Variants in RAPGEF1 observed in about 807,000 individuals in gnomAD.
RAPGEF1 encodes the protein CRK SH3-binding GNRP.
In RAPGEF1, 33 loss-of-function variants were observed where a neutral mutation model predicts 143.3. The observed-to-expected ratio is 0.23, with a 90% CI of 0.17 to 0.31. The LOEUF (loss-of-function observed/expected upper bound fraction) is 0.31. Ranked by LOEUF, RAPGEF1 falls within the 10% of genes least tolerant of loss-of-function variation. The probability of loss-of-function intolerance (pLI) is 1.00; values close to 1 mark genes in which losing one functional copy is unlikely to be tolerated. For missense variants in RAPGEF1, 1,199 were observed against 1,645.4 expected, an observed-to-expected ratio of 0.73 and a Z score of 4.69; for synonymous variants, 629 against 676.5, an observed-to-expected ratio of 0.93 and a Z score of 1.09.
intron 5 of RAPGEF1, among the ~76,000 whole-genome samples, chr9:131,630,661 T>TG (rs1964598223): frequency 1.3e-5 from 2 of 152,124 alleles, no homozygotes; most frequent in African/African-American, 2.4e-5. Flanking sequence ...GTCAGTTTGT[T>TG]GGGGAATAAC....
intron 1 of RAPGEF1, among the ~76,000 whole-genome samples, chr9:131,703,657 C>A (rs1239281877): frequency 6.6e-6 from 1 of 152,140 alleles, no homozygotes; most frequent in Non-Finnish European, 1.5e-5. Flanking sequence ...CTCCAGAGTT[C>A]TAAAGAAATT....
chr9:131,674,541 T>C (rs1831961289), intron 1 of RAPGEF1, among the ~76,000 whole-genome samples: 1 of 152,156 alleles, frequency 6.6e-6, no homozygotes, highest in Non-Finnish European at 1.5e-5. Flanking sequence ...AATCTAGGTC[T>C]CCACACTTGG....
rs368775480 is a variant in RAPGEF1 at position 131,626,086 on chromosome 9, G to A, written c.1538C>T (p.Thr513Ile). ...GTAGGGGACGGATGGGATCGGGGCT[G>A]TGCTCTGCAGGTCCTCCCCAGAGAT... ...DNISGEDLQS[T>I]APIPSVPYAP... The change falls in exon 10 of 27, where the codon ACA (threonine) becomes ATA (isoleucine). Residue 513 changes from threonine to isoleucine, a missense_variant. Physicochemically the swap from Thr to Ile is moderately conservative, Grantham distance 89. Transcript: ENST00000683357. 80 of 1,613,894 alleles carry A rather than the reference G, an allele frequency of 5.0e-5. No individual in the cohort carries two copies. Among genetic ancestry groups the A allele is most frequent in the Admixed American group, 2.0e-4 (12 of 60,002 alleles).
intron 15 of RAPGEF1, 84 bp from the exon 16 acceptor site, chr9:131,598,394 C>T (rs1955659409): frequency 8.7e-6 from 10 of 1,148,018 alleles, no homozygotes; most frequent in South Asian, 5.2e-5. Flanking sequence ...CCGGTGTGCA[C>T]GGCTCGAAAC....
chr9:131,630,535 T>C (rs1331461367), intron 5 of RAPGEF1, among the ~76,000 whole-genome samples: 1 of 152,164 alleles, frequency 6.6e-6, no homozygotes, highest in Non-Finnish European at 1.5e-5. Context: ...CTTCATGGCA[T>C]GTCAAGTTTC....
intron 16 of RAPGEF1, 58 bp downstream of exon 16, chr9:131,598,141 C>T: frequency 7.0e-7 from 1 of 1,437,758 alleles, no homozygotes; most frequent in Non-Finnish European, 9.7e-7. Flanking sequence ...TCTTCTCTGC[C>T]CCACCTGCTC....
chr9:131,626,690 CA>C (rs1179655345), intron 9 of RAPGEF1, among the ~76,000 whole-genome samples: 1 of 152,150 alleles, frequency 6.6e-6, no homozygotes, highest in African/African-American at 2.4e-5. Context: ...GAAACTGTGG[CA>C]AATTACATCA....
intron 1 of RAPGEF1, among the ~76,000 whole-genome samples, chr9:131,722,987 A>C (rs2131290013): frequency 6.6e-6 from 1 of 152,358 alleles, no homozygotes; most frequent in Middle Eastern, 3.4e-3. Flanking sequence ...TGACATCAGG[A>C]GTTTGAGACC....
intron 1 of RAPGEF1, among the ~76,000 whole-genome samples, chr9:131,672,624 G>T (rs1044319937): frequency 6.6e-6 from 1 of 152,206 alleles, no homozygotes; most frequent in African/African-American, 2.4e-5. Flanking sequence ...CCAAAGACGG[G>T]GAGGGGCTGA....
intron 9 of RAPGEF1, 68 bp downstream of exon 9, chr9:131,627,845 C>A: frequency 6.6e-7 from 1 of 1,505,926 alleles, no homozygotes; most frequent in Non-Finnish European, 8.9e-7. Flanking sequence ...GGGACTCCCA[C>A]CCAGGACTGT....
At chr9:131,725,743 T>C (rs542548877) in intron 1 of RAPGEF1, among the ~76,000 whole-genome samples, 1 of 151,428 alleles carries the variant, frequency 6.6e-6, no homozygotes, top group African/African-American at 2.4e-5. Flanking sequence ...CCTTTGCCCA[T>C]TTAAAAATTG....
intron 10 of RAPGEF1, among the ~76,000 whole-genome samples, chr9:131,625,016 G>T (rs1181305547): frequency 6.6e-6 from 1 of 152,214 alleles, no homozygotes; most frequent in African/African-American, 2.4e-5. Context: ...TTGAGAATGG[G>T]GCCCAGCTCT....
chr9:131,737,361 C>A (rs747898723), intron 1 of RAPGEF1: 4 of 1,613,344 alleles, frequency 2.5e-6, no homozygotes, highest in Admixed American at 1.7e-5. Context: ...ACTGTCCCCT[C>A]CAGTGTCTTC....
At chr9:131,657,117 T>C (rs1316329498) in intron 1 of RAPGEF1, among the ~76,000 whole-genome samples, 3 of 152,220 alleles carry the variant, frequency 2.0e-5, no homozygotes, top group Non-Finnish European at 2.9e-5. Flanking sequence ...TCATTCACAC[T>C]ATGCCTTTGA....
chr9:131,715,515 C>A (rs997608397), intron 1 of RAPGEF1, among the ~76,000 whole-genome samples: 4 of 152,038 alleles, frequency 2.6e-5, no homozygotes, highest in African/African-American at 4.8e-5. Context: ...CGTGTTCATT[C>A]TTCTGGGAAG....
chr9:131,626,777 A>G (rs1038474244), intron 9 of RAPGEF1, among the ~76,000 whole-genome samples: 1 of 152,210 alleles, frequency 6.6e-6, no homozygotes. Flanking sequence ...TCCTTAAATG[A>G]CTTTTTTGCC....
chr9:131,665,322 T>C (rs1830248313), intron 1 of RAPGEF1, among the ~76,000 whole-genome samples: 1 of 152,188 alleles, frequency 6.6e-6, no homozygotes, highest in South Asian at 2.1e-4. Flanking sequence ...TCCTTGATTC[T>C]TCTCTTTTGC....
chr9:131,728,181 G>A (rs1231281016), intron 1 of RAPGEF1, among the ~76,000 whole-genome samples: 3 of 152,198 alleles, frequency 2.0e-5, no homozygotes, highest in Non-Finnish European at 4.4e-5. Flanking sequence ...TACTGTGAAA[G>A]TTAATCAAGA....
chr9:131,610,414 C>G (rs11788408), intron 12 of RAPGEF1, among the ~76,000 whole-genome samples: 1 of 152,106 alleles, frequency 6.6e-6, no homozygotes, highest in African/African-American at 2.4e-5. Context: ...CCAGTTACAG[C>G]GAAATGTGGT....
Sources: gnomAD v4.1 joint callset for allele counts (sites outside exome capture counted in the v4.1 genomes callset) on GRCh38, gnomAD v4.1.1 for gene constraint, MANE v1.5 for transcripts, NCBI Gene and HGNC (gene_info 2026-07-23, HGNC 2026-07-21) for gene names.